MAN2A1: variants seen among roughly 807,000 people sequenced by gnomAD.
The protein encoded by MAN2A1 is mannosidase alpha class 2A member 1, also known as alpha-mannosidase 2.
In MAN2A1, 76 loss-of-function variants were observed where a neutral mutation model predicts 142.6. That is an observed-to-expected ratio of 0.53 (90% CI 0.44 to 0.65). MAN2A1 has a LOEUF of 0.65. MAN2A1 is among the 30% of genes least tolerant of loss of function. The probability of loss-of-function intolerance (pLI) is 0.00; values close to 1 mark genes in which losing one functional copy is unlikely to be tolerated. For missense variants in MAN2A1, 1,311 were observed against 1,365.1 expected (o/e 0.96, Z 0.62); for synonymous variants, 559 against 473.2 (o/e 1.18, Z -2.35).
At chr5:109,717,190 G>C (rs570815254) in intron 3 of MAN2A1, among the ~76,000 whole-genome samples, 5 of 152,108 alleles carry the variant, frequency 3.3e-5, no homozygotes, top group South Asian at 4.2e-4. Flanking sequence ...CTAATAATTT[G>C]AAGGTTTTTT....
At position 109,842,249 on chromosome 5, in the gene MAN2A1, G is replaced by A. The variant is rs186916941; in HGVS notation, c.2567-79G>A. The stretch of plus-strand genomic sequence containing the variant: ...AAACAAGAAAATGTAACTTTGGAAA[G>A]AGTTCTGTATAGTATATTTCAAAAA... On this transcript the variant is annotated intron_variant, in intron 16 of 21. Coordinates refer to ENST00000261483, the MANE Select transcript of MAN2A1 (RefSeq NM_002372.4). 3.5e-4 allele frequency: 283 copies of A among 819,368 alleles called. No homozygotes were observed. In the African/African-American group the frequency reaches 4.7e-3, roughly 14 times the overall value. 50.8% of individuals were successfully genotyped at this position (819,368 alleles called of 1,614,324 possible).
chr5:109,742,569 C>T lies in MAN2A1; in HGVS notation c.708-12760C>T, dbSNP rs549584773. On this transcript the variant is annotated intron_variant, in intron 4 of 21. Coordinates refer to ENST00000261483, the MANE Select transcript of MAN2A1 (RefSeq NM_002372.4). Reference sequence around the variant, plus strand: ...TTTTTAAATAAGAATCCAAACTTAACTAATGTGCATCTTGGGTTTTCTAAG... The same window carrying T: ...TTTTTAAATAAGAATCCAAACTTAATTAATGTGCATCTTGGGTTTTCTAAG... 2.6e-5 allele frequency among the ~76,000 whole-genome samples: 4 copies of T among 152,252 alleles called. No homozygotes were observed. In the South Asian group the frequency reaches 8.3e-4, roughly 32 times the overall value.
intron 5 of MAN2A1, among the ~76,000 whole-genome samples, chr5:109,755,907 C>G (rs939337948): frequency 7.9e-5 from 12 of 151,932 alleles, no homozygotes; most frequent in African/African-American, 2.9e-4. Context: ...TATCTTTGGG[C>G]TCTGCTTGTT....
intron 1 of MAN2A1, among the ~76,000 whole-genome samples, chr5:109,705,588 T>A (rs1447448679): frequency 5.9e-5 from 9 of 152,182 alleles, no homozygotes; most frequent in Non-Finnish European, 1.3e-4. Flanking sequence ...AAGCTTTATT[T>A]TTGTAGGGCC....
chr5:109,846,443 G>A (rs972978941), intron 18 of MAN2A1, among the ~76,000 whole-genome samples: 1 of 152,142 alleles, frequency 6.6e-6, no homozygotes, highest in Non-Finnish European at 1.5e-5. Context: ...CCTGAAAGAA[G>A]GAAGGGAGTA....
At position 109,868,188 on chromosome 5, in the gene MAN2A1, G is replaced by A. The variant is rs1299911170; in HGVS notation, c.*1190G>A. ...ACAGTAGTTAACTATATTAAAGAGAGAATGCTTTAAAATTGATCTTGTTTT... is the reference window on the plus strand; with the variant it reads ...ACAGTAGTTAACTATATTAAAGAGAAAATGCTTTAAAATTGATCTTGTTTT... On this transcript the variant is annotated 3_prime_UTR_variant, in exon 22 of 22. Coordinates refer to ENST00000261483, the MANE Select transcript of MAN2A1 (RefSeq NM_002372.4). 6.6e-6 allele frequency: 1 copy of A among 152,142 alleles called. No individual in the cohort carries two copies. Among genetic ancestry groups the A allele is most frequent in the Non-Finnish European group, 1.5e-5 (1 of 67,996 alleles). The allele number at this position is 152,142 out of a possible 1,614,324, so 9.4% of individuals were successfully genotyped here.
intron 1 of MAN2A1, among the ~76,000 whole-genome samples, chr5:109,696,304 T>G (rs1750810136): frequency 6.6e-6 from 1 of 152,182 alleles, no homozygotes; most frequent in African/African-American, 2.4e-5. Context: ...TTTCACCATG[T>G]TGGCCAGGAT....
At chr5:109,847,422 G>C (rs1755369980) in intron 18 of MAN2A1, among the ~76,000 whole-genome samples, 1 of 152,098 alleles carries the variant, frequency 6.6e-6, no homozygotes, top group East Asian at 1.9e-4. Context: ...ATCAGATATT[G>C]TGAAACATTA....
chr5:109,799,093 AC>A (rs1274150244), intron 12 of MAN2A1, among the ~76,000 whole-genome samples: 2 of 152,138 alleles, frequency 1.3e-5, no homozygotes, highest in African/African-American at 4.8e-5. Context: ...GATGGTAATA[AC>A]CCTGTGACAG....
At chr5:109,770,594 G>C in intron 7 of MAN2A1, 53 bp downstream of exon 7, 1 of 1,496,424 alleles carries the variant, frequency 6.7e-7, no homozygotes, top group Non-Finnish European at 9.2e-7. Context: ...TAGCCACTTA[G>C]CTGCTAGTTG....
At chr5:109,862,422 T>C (rs1408591860) in intron 20 of MAN2A1, 1 of 152,222 alleles carries the variant, frequency 6.6e-6, no homozygotes. Flanking sequence ...ACGCCAGCCT[T>C]ACTTCAGTAA....
intron 4 of MAN2A1, among the ~76,000 whole-genome samples, chr5:109,729,957 A>C (rs1481810140): frequency 6.6e-6 from 1 of 152,100 alleles, no homozygotes; most frequent in Non-Finnish European, 1.5e-5. Flanking sequence ...GTGCCACTGC[A>C]CTCCAGCCTG....
At chr5:109,731,354 T>C (rs1751902282) in intron 4 of MAN2A1, among the ~76,000 whole-genome samples, 1 of 124,940 alleles carries the variant, frequency 8.0e-6, no homozygotes, top group South Asian at 2.2e-4. Flanking sequence ...GAAAGCGTGT[T>C]TCTTTTTTTT....
chr5:109,735,025 C>G (rs1291911384), intron 4 of MAN2A1, among the ~76,000 whole-genome samples: 1 of 152,292 alleles, frequency 6.6e-6, no homozygotes, highest in South Asian at 2.1e-4. Flanking sequence ...TTATAGGTCA[C>G]TCATGACTTG....
At position 109,824,237 on chromosome 5, in the gene MAN2A1, T is replaced by G. The variant is rs528969470; in HGVS notation, c.2566+400T>G. Among the ~76,000 whole-genome samples the G allele has an allele frequency of 2.6e-5, 4 of 152,360 alleles. No individual in the cohort carries two copies. In the East Asian group the frequency reaches 5.8e-4, roughly 22 times the overall value. ...AAATATAGCCTGTATCACTGGAATG[T>G]AACTTTAAGAGAAAAATGTTCTAAG... On this transcript the variant is annotated intron_variant, in intron 16 of 21. Transcript: ENST00000261483.
rs1012503906 is a variant in MAN2A1 at position 109,788,914 on chromosome 5, A to T, written c.1761-20A>T. 5 of 1,161,144 alleles carry T rather than the reference A, an allele frequency of 4.3e-6. No homozygotes were observed. The South Asian group carries it at 6.4e-5, about 15-fold the overall frequency. 71.9% of individuals were successfully genotyped at this position (1,161,144 alleles called of 1,614,324 possible). On this transcript the variant is annotated intron_variant, in intron 10 of 21. Coordinates refer to ENST00000261483, the MANE Select transcript of MAN2A1 (RefSeq NM_002372.4). Reference sequence around the variant, plus strand: ...GATTTTTAAATTGTTTCTCAGACTAATAAAATTTTTGATTTACAGACTTTT... The same window carrying T: ...GATTTTTAAATTGTTTCTCAGACTATTAAAATTTTTGATTTACAGACTTTT...
At chr5:109,827,686 ACT>A (rs1329483809) in intron 16 of MAN2A1, among the ~76,000 whole-genome samples, 12 of 152,312 alleles carry the variant, frequency 7.9e-5, no homozygotes, top group Admixed American at 7.8e-4. Context: ...ATAAAAGAAC[ACT>A]CTGTTTTCCT....
chr5:109,859,290 CT>C (rs1755698237), intron 20 of MAN2A1, among the ~76,000 whole-genome samples: 1 of 152,140 alleles, frequency 6.6e-6, no homozygotes. Flanking sequence ...AGGGATTGCT[CT>C]ATATTAGTAG....
At chr5:109,711,748 G>A (rs1296019698) in intron 1 of MAN2A1, among the ~76,000 whole-genome samples, 2 of 152,132 alleles carry the variant, frequency 1.3e-5, no homozygotes, top group African/African-American at 4.8e-5. Context: ...TTTCACTGGT[G>A]CAGTGGGGCT....
Sources: allele counts gnomAD v4.1 joint callset (sites outside exome capture counted in the v4.1 genomes callset), GRCh38; gene constraint gnomAD v4.1.1; transcripts MANE v1.5; gene names NCBI Gene and HGNC (gene_info 2026-07-23, HGNC 2026-07-21).